The following TJP1 variants were observed in gnomAD, a reference collection of about 807,000 sequenced individuals.
TJP1 encodes the protein tight junction protein ZO-1.
Under a neutral mutation model 194.2 loss-of-function variants are expected in TJP1, and 43 were observed. The ratio of observed to expected loss-of-function variants is 0.22; its 90% CI spans 0.17 to 0.29. The LOEUF (loss-of-function observed/expected upper bound fraction) is 0.29, where lower values mean the gene tolerates loss of function less well. Among genes scored for constraint, TJP1 ranks in the 10% least tolerant of loss-of-function variants. TJP1 has a pLI of 1.00. For missense variants in TJP1, 1,971 were observed against 2,185.7 expected (o/e 0.90, Z 1.96); for synonymous variants, 801 against 779.0 (o/e 1.03, Z -0.47).
intron 1 of TJP1, among the ~76,000 whole-genome samples, chr15:29,804,109 T>C (rs2048966954): frequency 6.6e-6 from 1 of 152,164 alleles, no homozygotes; most frequent in Non-Finnish European, 1.5e-5. Flanking sequence ...TTCTCTAGCC[T>C]TTCATTTGCT....
Position 29,766,518 on chromosome 15 carries a change from G to C in TJP1, c.337C>G (p.Gln113Glu). ...GGATCAGGACGACTTACTGGTATTT[G>C]AACTTTCTTCTTCCTTCTAATTGTC... Reference protein sequence around the residue: ...KITIRRKKKVQIPVSRPDPEP... With the variant: ...KITIRRKKKVEIPVSRPDPEP... Residue 113 changes from glutamine to glutamate, a missense_variant, in exon 5 of 28, where the codon CAA becomes GAA. Coordinates refer to ENST00000614355, the MANE Select transcript of TJP1 (RefSeq NM_001330239.4). The C allele has an allele frequency of 1.9e-6, 3 of 1,570,054 alleles. No individual in the cohort carries two copies. The highest frequency in any genetic ancestry group is 2.3e-5 in the East Asian group (1 of 44,264).
chr15:29,853,025 T>C (rs1382916486), intron 2 of TJP1, among the ~76,000 whole-genome samples: 1 of 152,162 alleles, frequency 6.6e-6, no homozygotes, highest in Non-Finnish European at 1.5e-5. Context: ...AAGTGAATGG[T>C]TAAACTGTGG....
chr15:29,968,409 G>A, intron 1 of TJP1: 2 of 985,116 alleles, frequency 2.0e-6, no homozygotes, highest in Non-Finnish European at 1.2e-6. Context: ...GCCGCTCCCC[G>A]TCGCCCTACG....
chr15:29,706,985 G>A (rs2041939489), intron 25 of TJP1, among the ~76,000 whole-genome samples: 1 of 152,016 alleles, frequency 6.6e-6, no homozygotes, highest in African/African-American at 2.4e-5. Context: ...ACAAAACAAT[G>A]GTGCATCTCA....
chr15:29,936,201 T>C (rs2054876370), intron 2 of TJP1, among the ~76,000 whole-genome samples: 1 of 152,008 alleles, frequency 6.6e-6, no homozygotes, highest in Admixed American at 6.6e-5. Flanking sequence ...CCTTTCCCTC[T>C]GGTATCTTCG....
intron 10 of TJP1, among the ~76,000 whole-genome samples, chr15:29,740,795 C>G (rs1345585708): frequency 6.6e-6 from 1 of 152,024 alleles, no homozygotes; most frequent in Admixed American, 6.6e-5. Context: ...TACCCTAGAA[C>G]AGGTTCTCAA....
chr15:29,950,379 C>T (rs1028841384), intron 2 of TJP1, among the ~76,000 whole-genome samples: 3 of 151,868 alleles, frequency 2.0e-5, no homozygotes, highest in South Asian at 2.1e-4. Context: ...ACCACCTCTA[C>T]CTCCACCACC....
chr15:29,802,567 TG>T (rs2048856658), intron 1 of TJP1, among the ~76,000 whole-genome samples: 2 of 147,282 alleles, frequency 1.4e-5, no homozygotes, highest in Non-Finnish European at 3.0e-5. Flanking sequence ...GAAACAAAGC[TG>T]TTTTTTTTTT....
At chr15:29,905,555 A>G (rs1265678175) in intron 2 of TJP1, among the ~76,000 whole-genome samples, 1 of 152,258 alleles carries the variant, frequency 6.6e-6, no homozygotes, top group Non-Finnish European at 1.5e-5. Flanking sequence ...AAAAATCTGC[A>G]TATGAATGTT....
chr15:29,947,519 T>C (rs543429085), intron 2 of TJP1, among the ~76,000 whole-genome samples: 1 of 152,194 alleles, frequency 6.6e-6, no homozygotes, highest in Admixed American at 6.5e-5. Flanking sequence ...ACCCTGCTAG[T>C]TACCTACAAA....
chr15:29,814,132 A>C (rs936448902), intron 1 of TJP1, among the ~76,000 whole-genome samples: 2 of 152,230 alleles, frequency 1.3e-5, no homozygotes, highest in African/African-American at 4.8e-5. Flanking sequence ...ACATTTAAAA[A>C]CATTAACAAG....
intron 2 of TJP1, among the ~76,000 whole-genome samples, chr15:29,869,252 A>C (rs946397742): frequency 6.6e-6 from 1 of 152,226 alleles, no homozygotes; most frequent in Non-Finnish European, 1.5e-5. Context: ...TCTATGCAGG[A>C]CACAACAGTC....
chr15:29,967,842 TA>T (rs2056384773), intron 1 of TJP1, among the ~76,000 whole-genome samples: 1 of 152,232 alleles, frequency 6.6e-6, no homozygotes, highest in Non-Finnish European at 1.5e-5. Flanking sequence ...CACTGACCAC[TA>T]ATTTTAAAAT....
chr15:29,798,977 C>T (rs966739663), intron 2 of TJP1, among the ~76,000 whole-genome samples: 1 of 152,102 alleles, frequency 6.6e-6, no homozygotes, highest in Admixed American at 6.5e-5. Context: ...GAAACCATAT[C>T]ATTGGTTAAG....
In TJP1 at chr15:29,742,684, C is replaced by A; in HGVS notation, c.1108G>T (p.Val370Phe). 6.3e-7 allele frequency: 1 copy of A among 1,590,908 alleles called. No homozygotes were observed. Reference sequence around the variant, plus strand: ...TGTTTCTCATTTCTTTCAACTGTAACTTCTTCCACTGTTTTAGGTGTGTGA... The same window carrying A: ...TGTTTCTCATTTCTTTCAACTGTAAATTCTTCCACTGTTTTAGGTGTGTGA... ...DDHTPKTVEEVTVERNEKQTP... is the reference protein window; with the variant it reads ...DDHTPKTVEEFTVERNEKQTP... Residue 370 changes from valine (V) to phenylalanine (F), a missense_variant, in exon 9 of 28, where the codon GTT becomes TTT. This residue lies in a region of TJP1 where 192 missense variants were observed against 182.3 expected (regional missense o/e 1.05). Coordinates refer to ENST00000614355, the MANE Select transcript of TJP1 (RefSeq NM_001330239.4).
At chr15:29,909,015 G>A (rs1567186067) in intron 2 of TJP1, among the ~76,000 whole-genome samples, 1 of 151,986 alleles carries the variant, frequency 6.6e-6, no homozygotes, top group Non-Finnish European at 1.5e-5. Flanking sequence ...AAATTATCCG[G>A]GTGTGGTGGT....
In TJP1 at chr15:29,704,156, G is replaced by A; in HGVS notation, c.5212+6C>T. On this transcript the variant is annotated splice_donor_region_variant and intron_variant, in intron 27 of 27. Coordinates refer to ENST00000614355, the MANE Select transcript of TJP1 (RefSeq NM_001330239.4). Reference sequence around the variant, plus strand: ...GCTCCCAAAGGACAGAGTGAAGACAGCATACCCGACGAGGAGTCGGATGAT... The same window carrying A: ...GCTCCCAAAGGACAGAGTGAAGACAACATACCCGACGAGGAGTCGGATGAT... 6.4e-7 allele frequency: 1 copy of A among 1,553,434 alleles called. No individual in the cohort carries two copies.
chr15:29,711,293 T>C (rs896760670), intron 23 of TJP1, among the ~76,000 whole-genome samples: 4 of 152,172 alleles, frequency 2.6e-5, no homozygotes, highest in Admixed American at 1.3e-4. Flanking sequence ...TTACAAAAGA[T>C]AGTAATGTTG....
intron 2 of TJP1, among the ~76,000 whole-genome samples, chr15:29,862,099 T>C (rs528940349): frequency 2.0e-5 from 3 of 152,202 alleles, no homozygotes; most frequent in Non-Finnish European, 4.4e-5. Flanking sequence ...TTGAATTCTT[T>C]AGTTAAGAAG....
Sources: allele counts gnomAD v4.1 joint callset (sites outside exome capture counted in the v4.1 genomes callset), GRCh38; gene constraint gnomAD v4.1.1; regional missense constraint gnomAD v4.1.1; transcripts MANE v1.5; gene names NCBI Gene and HGNC (gene_info 2026-07-23, HGNC 2026-07-21).